PCDHA1: variants seen among roughly 807,000 people sequenced by gnomAD.
PCDHA1 encodes protocadherin alpha-1.
PCDHA1 carries 42 observed loss-of-function variants against 61.3 expected under a neutral mutation model. The observed-to-expected ratio is 0.69, with a 90% CI of 0.54 to 0.89. The LOEUF is 0.89. Ranked by LOEUF, PCDHA1 falls within the 40% of genes least tolerant of loss-of-function variation. The pLI is 0.00. For missense variants in PCDHA1, 1,256 were observed against 1,235.3 expected, an observed-to-expected ratio of 1.02 and a Z score of -0.25; for synonymous variants, 610 against 553.8, an observed-to-expected ratio of 1.10 and a Z score of -1.43.
At chr5:140,887,442 T>C (rs2061450115) in intron 1 of PCDHA1, among the ~76,000 whole-genome samples, 1 of 152,180 alleles carries the variant, frequency 6.6e-6, no homozygotes, top group Non-Finnish European at 1.5e-5. Context: ...CTGGGCATAG[T>C]TGACAGTTTT....
chr5:140,858,599 T>C (rs2045504873), intron 1 of PCDHA1: 1 of 1,295,538 alleles, frequency 7.7e-7, no homozygotes, highest in Non-Finnish European at 1.1e-6. Flanking sequence ...TCCAGGAGTT[T>C]TAAAATTTTT....
At chr5:140,843,518 C>T in intron 1 of PCDHA1, 2 of 1,595,646 alleles carry the variant, frequency 1.3e-6, no homozygotes, top group South Asian at 1.1e-5. Context: ...GGGCGGGTGC[C>T]GGGCGGGCAA....
At chr5:140,866,557 A>G (rs1554160392) in intron 1 of PCDHA1, 1 of 152,136 alleles carries the variant, frequency 6.6e-6, no homozygotes, top group Non-Finnish European at 1.5e-5. Context: ...TAAATCCTAT[A>G]ATTTTGTTAA....
At chr5:140,809,556 A>G (rs782462557) in intron 1 of PCDHA1, 2 of 1,610,614 alleles carry the variant, frequency 1.2e-6, no homozygotes, top group South Asian at 1.1e-5. Flanking sequence ...CAGACAACTG[A>G]GGAATCCTTT....
At position 140,796,093 on chromosome 5, in the gene PCDHA1, C is replaced by T. The variant is rs781879420; in HGVS notation, c.2394+7409C>T. 3.1e-6 allele frequency: 5 copies of T among 1,614,086 alleles called. No individual in the cohort carries two copies. The Admixed American group carries it at 5.0e-5, about 16-fold the overall frequency. On this transcript the variant is annotated intron_variant, in intron 1 of 3. Coordinates refer to ENST00000504120, the MANE Select transcript of PCDHA1 (RefSeq NM_018900.4). ...CATTGCTCTCATCACGGTGTCGGAT[C>T]GCGACTCTGGTACGAATGGACATGT...
chr5:140,999,764 T>G (rs1587850651), intron 3 of PCDHA1, among the ~76,000 whole-genome samples: 1 of 152,284 alleles, frequency 6.6e-6, no homozygotes, highest in East Asian at 1.9e-4. Flanking sequence ...CATGATGTCT[T>G]TATACTCTTA....
chr5:140,800,564 CTT>C (rs757703902), intron 1 of PCDHA1, among the ~76,000 whole-genome samples: 92 of 152,170 alleles, frequency 6.0e-4, no homozygotes, highest in Admixed American at 1.8e-3. Flanking sequence ...TAAAATGTAA[CTT>C]GGGTGGTAAA....
intron 1 of PCDHA1, among the ~76,000 whole-genome samples, chr5:140,912,129 A>C (rs2075781767): frequency 6.6e-6 from 1 of 152,156 alleles, no homozygotes; most frequent in Admixed American, 6.6e-5. Flanking sequence ...AGTCAGTCTA[A>C]TCTCTCCATG....
rs77098340 is a variant in PCDHA1 at position 140,895,412 on chromosome 5, C to T, written c.2395-83537C>T. 8.0e-3 allele frequency among the ~76,000 whole-genome samples: 1,218 copies of T among 152,216 alleles called. 6 individuals carry two copies. Among genetic ancestry groups the T allele is most frequent in the African/African-American group, 0.019 (785 of 41,528 alleles). On this transcript the variant is annotated intron_variant, in intron 1 of 3. Coordinates refer to ENST00000504120, the MANE Select transcript of PCDHA1 (RefSeq NM_018900.4). The stretch of plus-strand genomic sequence containing the variant: ...CTCAACACCATCAAAAGCCCCATAA[C>T]CTTCTTTTGCTTCCTCCTGAGACTC...
chr5:140,843,844 A>G lies in PCDHA1; in HGVS notation c.2394+55160A>G, dbSNP rs2150367130. Reference sequence around the variant, plus strand: ...TTTAAACATTGTTTAGTTTTTAGAAACCTTTTATAATTAATTGAATTTTCT... The same window carrying G: ...TTTAAACATTGTTTAGTTTTTAGAAGCCTTTTATAATTAATTGAATTTTCT... On this transcript the variant is annotated intron_variant, in intron 1 of 3. Coordinates refer to ENST00000504120, the MANE Select transcript of PCDHA1 (RefSeq NM_018900.4). 3.0e-6 allele frequency: 3 copies of G among 1,001,290 alleles called. No individual in the cohort carries two copies. The East Asian group carries it at 7.5e-5, about 25-fold the overall frequency. 62.0% of individuals were successfully genotyped at this position (1,001,290 alleles called of 1,614,324 possible). A position where few individuals can be genotyped will look rare whatever the true frequency, so the allele number is the denominator to read the frequency against.
chr5:140,787,939 C>T lies in PCDHA1; in HGVS notation c.1649C>T (p.Thr550Met), dbSNP rs1554118055. 7 of 1,613,720 alleles carry T rather than the reference C, an allele frequency of 4.3e-6. No homozygotes were observed. The highest frequency in any genetic ancestry group is 1.1e-5 in the South Asian group (1 of 91,074). ...AGVPPLGSNV[T>M]LQVFVLDEND... ...GTGCCGCCTCTGGGCAGCAACGTGA[C>T]GCTGCAGGTGTTCGTGCTGGACGAG... The change falls in exon 1 of 4, where the codon ACG becomes ATG. Residue 550 changes from threonine to methionine, a missense_variant. Thr to Met is a moderately conservative substitution (Grantham distance 81, BLOSUM62 -1). Coordinates refer to ENST00000504120, the MANE Select transcript of PCDHA1 (RefSeq NM_018900.4).
chr5:140,869,541 G>A (rs1554163213), intron 1 of PCDHA1: 1 of 1,614,204 alleles, frequency 6.2e-7, no homozygotes, highest in East Asian at 2.2e-5. Flanking sequence ...CGGAATCTAA[G>A]CAATCGGACT....
intron 1 of PCDHA1, chr5:140,877,256 G>A (rs782364296): frequency 6.2e-7 from 1 of 1,613,628 alleles, no homozygotes; most frequent in African/African-American, 1.3e-5. Flanking sequence ...GCGAAAGTGC[G>A]CGCGGTGGAC....
At position 140,807,296 on chromosome 5, in the gene PCDHA1, G is replaced by A. The variant is rs528454810; in HGVS notation, c.2394+18612G>A. 2.2e-5 allele frequency: 36 copies of A among 1,614,062 alleles called. No individual in the cohort carries two copies. The East Asian group carries it at 4.0e-4, about 18-fold the overall frequency. ...CGGTCAGCTCCACTACTCGGTCTCCGAGGAGGCCAAACACGGCACCTTCGT... is the reference window on the plus strand; with the variant it reads ...CGGTCAGCTCCACTACTCGGTCTCCAAGGAGGCCAAACACGGCACCTTCGT... On this transcript the variant is annotated intron_variant, in intron 1 of 3. Coordinates refer to ENST00000504120, the MANE Select transcript of PCDHA1 (RefSeq NM_018900.4).
chr5:140,929,496 G>T, intron 1 of PCDHA1: 14 of 989,736 alleles, frequency 1.4e-5, no homozygotes, highest in Non-Finnish European at 1.8e-5. Context: ...TTAGAAGATT[G>T]CCCTAGGCCT....
chr5:140,854,562 C>G (rs1316320721), intron 1 of PCDHA1: 1 of 149,730 alleles, frequency 6.7e-6, no homozygotes, highest in Non-Finnish European at 1.5e-5. Flanking sequence ...AATATTGTTG[C>G]TCTGTCATTC....
chr5:140,875,039 A>C (rs1443862423), intron 1 of PCDHA1, among the ~76,000 whole-genome samples: 1 of 152,230 alleles, frequency 6.6e-6, no homozygotes, highest in East Asian at 1.9e-4. Flanking sequence ...TATTTGAAAG[A>C]TTTCTACTTT....
chr5:140,941,996 A>G (rs951664999), intron 1 of PCDHA1, among the ~76,000 whole-genome samples: 1 of 152,220 alleles, frequency 6.6e-6, no homozygotes, highest in Non-Finnish European at 1.5e-5. Flanking sequence ...AGGGATTCAT[A>G]TCTCTTATTA....
At position 140,843,422 on chromosome 5, in the gene PCDHA1, A is replaced by T. The variant is rs2150359586; in HGVS notation, c.2394+54738A>T. The T allele has an allele frequency of 9.4e-6, 15 of 1,595,774 alleles. 3 individuals are homozygous for T. Among genetic ancestry groups the T allele is most frequent in the Admixed American group, 5.1e-5 (3 of 59,266 alleles). The stretch of plus-strand genomic sequence containing the variant: ...GCTGGTGGATGTCAACGTGTACCTG[A>T]TCATCGCCATCTGCGCGGTATCCAG... On this transcript the variant is annotated intron_variant, in intron 1 of 3. Transcript: ENST00000504120.
Sources: allele counts gnomAD v4.1 joint callset (sites outside exome capture counted in the v4.1 genomes callset), GRCh38; gene constraint gnomAD v4.1.1; transcripts MANE v1.5; gene names NCBI Gene and HGNC (gene_info 2026-07-23, HGNC 2026-07-21).